The following NBPF14 variants were observed in gnomAD, a reference collection of about 807,000 sequenced individuals.
The protein encoded by NBPF14 is NBPF member 14, also known as NBPF family member NBPF14.
NBPF14 carries 104 observed loss-of-function variants against 91.2 expected under a neutral mutation model. That is an observed-to-expected ratio of 1.14 (90% CI 0.97 to 1.34). The LOEUF is 1.34. Ranked by LOEUF, NBPF14 falls within the 40% of genes most tolerant of loss-of-function variation. NBPF14 has a pLI of 0.00. For synonymous variants in NBPF14, 294 were observed against 303.8 expected (o/e 0.97, Z 0.34); for missense variants, 908 against 783.0 (o/e 1.16, Z -1.91).
chr1:148,591,287 C>G, intron 5 of NBPF14, 145 bp downstream of exon 5: 3 of 1,274,902 alleles, frequency 2.4e-6, no homozygotes, highest in Non-Finnish European at 3.4e-6. Flanking sequence ...GCTGCCGCAC[C>G]CTGTGTCTAA....
At chr1:148,568,813 G>A (rs1441407015) in intron 25 of NBPF14, among the ~76,000 whole-genome samples, 5 of 130,482 alleles carry the variant, frequency 3.8e-5, no homozygotes, top group African/African-American at 1.4e-4. Context: ...TTTTCCAATC[G>A]ATTTAAAGCA....
chr1:148,579,988 G>A (rs1440614569), intron 12 of NBPF14, among the ~76,000 whole-genome samples: 1 of 151,950 alleles, frequency 6.6e-6, no homozygotes, highest in Non-Finnish European at 1.5e-5. Context: ...CACAAAGGTG[G>A]GGAGAAACCA....
rs1377358155 is a variant in NBPF14 at position 148,539,342 on chromosome 1, G to T, written c.7882+68C>A. ...CTCTCGGGTCAGTAAGGGGCACTTG[G>T]AACAGGAATATCACCCCTATCTGGA... On this transcript the variant is annotated intron_variant, in intron 63 of 70. Transcript: ENST00000619423. The T allele has an allele frequency of 8.1e-4, 437 of 537,264 alleles. 68 individuals are homozygous for T. The highest frequency in any genetic ancestry group is 1.2e-3 in the Non-Finnish European group (374 of 312,406). The allele number at this position is 537,264 out of a possible 1,614,324, so 33.3% of individuals were successfully genotyped here. A position where few individuals can be genotyped will look rare whatever the true frequency, so the allele number is the denominator to read the frequency against.
intron 68 of NBPF14, 116 bp downstream of exon 68, chr1:148,535,337 T>C (rs1225771514): frequency 5.1e-6 from 3 of 589,508 alleles, no homozygotes; most frequent in African/African-American, 4.1e-5. Flanking sequence ...GCAATGTCAG[T>C]AGGAGTAATT....
chr1:148,535,018 C>T (rs1260873283), intron 68 of NBPF14, among the ~76,000 whole-genome samples, 162 bp from the exon 69 acceptor site: 1 of 146,668 alleles, frequency 6.8e-6, no homozygotes, highest in African/African-American at 2.7e-5. Flanking sequence ...TAGACCAGGG[C>T]CAGGTAGAAA....
Position 148,595,462 on chromosome 1 carries a change from G to T in NBPF14, c.175+81C>A, listed in dbSNP as rs1189288633. On this transcript the variant is annotated intron_variant, in intron 2 of 70. Transcript: ENST00000619423. ...GTACAGGAAGGATGAAATTATTTTT[G>T]ATGGAGAGAGCATTTAGTGTCTCAG... 1.2e-5 allele frequency: 15 copies of T among 1,241,444 alleles called. No homozygotes were observed. The African/African-American group carries it at 2.2e-4, about 18-fold the overall frequency. 76.9% of individuals were successfully genotyped at this position (1,241,444 alleles called of 1,614,324 possible).
Position 148,534,669 on chromosome 1 carries a change from T to G in NBPF14, c.8614+15A>C. 5 of 804,136 alleles carry G rather than the reference T, an allele frequency of 6.2e-6. No individual in the cohort carries two copies. Among genetic ancestry groups the G allele is most frequent in the Non-Finnish European group, 1.1e-5 (5 of 448,160 alleles). The allele number at this position is 804,136 out of a possible 1,614,324, so 49.8% of individuals were successfully genotyped here. A position where few individuals can be genotyped will look rare whatever the true frequency, so the allele number is the denominator to read the frequency against. On this transcript the variant is annotated intron_variant, in intron 69 of 70. Coordinates refer to ENST00000619423, the Ensembl canonical transcript of NBPF14. ...ACCAGGTGGAGGCTTATCACCTTCA[T>G]AGTAAGGTACTCACTGTCCACGTCA...
At position 148,592,644 on chromosome 1, in the gene NBPF14, T is replaced by C; in HGVS notation, c.401A>G (p.Tyr134Cys). Reference sequence around the variant, plus strand: ...CTGCCCCTGGGACTTGTCCGGCTCATACGGAGTGAGGAGGGCCTGGAGATG... The same window carrying C: ...CTGCCCCTGGGACTTGTCCGGCTCACACGGAGTGAGGAGGGCCTGGAGATG... Residue 134 changes from tyrosine (Y) to cysteine (C), a missense_variant, in exon 4 of 71, where the codon TAT becomes TGT. Physicochemically the swap from Tyr to Cys is radical, Grantham distance 194. This residue lies in a region of NBPF14 where 61 missense variants were observed against 56.4 expected (regional missense o/e 1.08). Transcript: ENST00000619423. 6 of 1,588,174 alleles carry C rather than the reference T, an allele frequency of 3.8e-6. 1 individual carries two copies. Among genetic ancestry groups the C allele is most frequent in the Non-Finnish European group, 5.2e-6 (6 of 1,162,286 alleles).
chr1:148,533,891 C>T (rs1654312768), exon 70 of NBPF14: 3 of 759,540 alleles, frequency 3.9e-6, no homozygotes, highest in Non-Finnish European at 7.2e-6. Context: ...ATCTTCTTCC[C>T]CTTCTTTTCT....
chr1:148,593,915 A>T (rs1553798019), intron 2 of NBPF14, among the ~76,000 whole-genome samples: 12 of 149,632 alleles, frequency 8.0e-5, no homozygotes, highest in African/African-American at 2.9e-4. Flanking sequence ...ACTCAAGGGC[A>T]CATCAAGGAA....
intron 67 of NBPF14, among the ~76,000 whole-genome samples, 160 bp downstream of exon 67, chr1:148,536,064 C>A (rs1655154435): frequency 6.7e-6 from 1 of 149,760 alleles, no homozygotes; most frequent in Non-Finnish European, 1.5e-5. Context: ...CTTGTCTGGG[C>A]TTCCAAGTGG....
chr1:148,534,580 G>A (rs1654652194), intron 69 of NBPF14, 104 bp downstream of exon 69: 13 of 821,996 alleles, frequency 1.6e-5, no homozygotes, highest in African/African-American at 3.4e-5. Flanking sequence ...TCCTGCCTGC[G>A]GCAATGACAT....
Position 148,539,553 on chromosome 1 carries a change from T to C in NBPF14, c.7739A>G (p.Glu2580Gly), listed in dbSNP as rs1234144278. Residue 2580 changes from glutamate (E) to glycine (G), a missense_variant, in exon 63 of 71, where the codon GAG (glutamate) becomes GGG (glycine). By Grantham distance (98) the Glu-to-Gly change is moderately conservative. Around this residue, in one of 13 missense-constraint regions of NBPF14, gnomAD observed 279 missense variants for 107.7 expected, o/e 2.59. Coordinates refer to ENST00000619423, the Ensembl canonical transcript of NBPF14. ...CAGTGAGTCCTGCAAGACTTCAGGC[T>C]CTTTCTCATCCAGCAGCTCCCTGCT... is the stretch of plus-strand genomic sequence containing the variant. 47 of 264,378 alleles carry C rather than the reference T, an allele frequency of 1.8e-4. 1 individual carries two copies. Among genetic ancestry groups the C allele is most frequent in the Middle Eastern group, 9.7e-4 (1 of 1,028 alleles). 16.4% of individuals were successfully genotyped at this position (264,378 alleles called of 1,614,324 possible). A position where few individuals can be genotyped will look rare whatever the true frequency, so the allele number is the denominator to read the frequency against.
intron 8 of NBPF14, among the ~76,000 whole-genome samples, 175 bp downstream of exon 8, chr1:148,587,126 C>A (rs1317200559): frequency 6.7e-6 from 1 of 148,576 alleles, no homozygotes; most frequent in African/African-American, 2.4e-5. Context: ...ACAACTGCAA[C>A]CCATACATTT....
At chr1:148,584,209 C>T (rs1444089184) in intron 11 of NBPF14, among the ~76,000 whole-genome samples, 3 of 152,252 alleles carry the variant, frequency 2.0e-5, no homozygotes, top group African/African-American at 7.2e-5. Context: ...GCTAGGAGGC[C>T]TGACAGATAC....
In NBPF14 at chr1:148,572,757, T is replaced by C. The variant is rs1371308873; in HGVS notation, c.2586-142A>G. Reference sequence around the variant, plus strand: ...TAATGAGGTAACAAATTATTGCCTTTATGTTGGGATAGAACAGGGCCAGAT... The same window carrying C: ...TAATGAGGTAACAAATTATTGCCTTCATGTTGGGATAGAACAGGGCCAGAT... On this transcript the variant is annotated intron_variant, in intron 20 of 70. Transcript: ENST00000619423. 1.3e-5 allele frequency: 7 copies of C among 543,598 alleles called. 1 individual carries two copies. Among genetic ancestry groups the C allele is most frequent in the Admixed American group, 5.3e-5 (2 of 37,494 alleles). 33.7% of individuals were successfully genotyped at this position (543,598 alleles called of 1,614,324 possible).
At chr1:148,561,815 A>C (rs1259757243) in intron 34 of NBPF14, among the ~76,000 whole-genome samples, 1 of 136,642 alleles carries the variant, frequency 7.3e-6, no homozygotes, top group African/African-American at 3.5e-5. Context: ...ACACACACAC[A>C]CACAGAGAGA....
At chr1:148,542,112 C>A (rs1444101722) in intron 59 of NBPF14, among the ~76,000 whole-genome samples, 13 of 102,936 alleles carry the variant, frequency 1.3e-4, no homozygotes, top group Admixed American at 7.7e-4. Flanking sequence ...CCATATTTTT[C>A]CAATCAACTT....
rs1334145820 is a variant in NBPF14, at chr1:148,559,688, G to T, written c.4729+105C>A. The T allele has an allele frequency of 4.4e-6, 3 of 683,164 alleles. No individual in the cohort carries two copies. In the East Asian group the frequency reaches 8.9e-5, roughly 20 times the overall value. 42.3% of individuals were successfully genotyped at this position (683,164 alleles called of 1,614,324 possible). ...CTACATGTGCCTATAGGTCCTCCCT[G>T]TGGCAATGACATCTCTCAGCTCAGT... On this transcript the variant is annotated intron_variant, in intron 37 of 70. Transcript: ENST00000619423.
Sources: allele counts gnomAD v4.1 joint callset (sites outside exome capture counted in the v4.1 genomes callset), GRCh38; gene constraint gnomAD v4.1.1; regional missense constraint gnomAD v4.1.1; transcripts MANE v1.5; gene names NCBI Gene and HGNC (gene_info 2026-07-23, HGNC 2026-07-21).